Variants in ATP1A3 observed in about 807,000 individuals in gnomAD.
The protein encoded by ATP1A3 is ATPase Na+/K+ transporting subunit alpha 3.
A neutral mutation model predicts 108.8 loss-of-function variants in ATP1A3; 12 were observed. The observed-to-expected ratio is 0.11, with a 90% CI of 0.07 to 0.18. The LOEUF (loss-of-function observed/expected upper bound fraction) is 0.18. Among genes scored for constraint, ATP1A3 ranks in the 10% least tolerant of loss-of-function variants. The pLI is 1.00. For missense variants in ATP1A3, 498 were observed against 1,387.7 expected, an observed-to-expected ratio of 0.36 and a Z score of 10.19; for synonymous variants, 539 against 564.5, an observed-to-expected ratio of 0.95 and a Z score of 0.64.
chr19:41,986,050 C>T (rs781870299), intron 5 of ATP1A3, 52 bp from the exon 6 acceptor site: 2 of 1,614,144 alleles, frequency 1.2e-6, no homozygotes, highest in South Asian at 1.1e-5. Flanking sequence ...GCCTGGGGGT[C>T]ACTGGGCCCG....
intron 1 of ATP1A3, among the ~76,000 whole-genome samples, chr19:41,989,556 T>G (rs1317516035): frequency 2.0e-5 from 3 of 151,476 alleles, no homozygotes; most frequent in African/African-American, 7.3e-5. Context: ...CCTGACCTCG[T>G]GATCCGCCCG....
chr19:41,990,723 C>G (rs1434245324), intron 1 of ATP1A3, among the ~76,000 whole-genome samples: 1 of 151,514 alleles, frequency 6.6e-6, no homozygotes, highest in Non-Finnish European at 1.5e-5. Context: ...ATCTTCCTCT[C>G]TCTTTCGCTG....
intron 15 of ATP1A3, 114 bp from the exon 16 acceptor site, chr19:41,975,911 G>T: frequency 7.1e-7 from 1 of 1,408,894 alleles, no homozygotes; most frequent in Non-Finnish European, 1.0e-6. Flanking sequence ...AGAAGTTCAG[G>T]TCCCCAACCT....
At position 41,985,780 on chromosome 19, in the gene ATP1A3, C is replaced by T; in HGVS notation, c.606+84G>A. 2 of 1,584,914 alleles carry T rather than the reference C, an allele frequency of 1.3e-6. No homozygotes were observed. Among genetic ancestry groups the T allele is most frequent in the Non-Finnish European group, 1.7e-6 (2 of 1,166,906 alleles). On this transcript the variant is annotated intron_variant, in intron 6 of 22. Coordinates refer to ENST00000648268, the MANE Select transcript of ATP1A3 (RefSeq NM_152296.5). This position sits in a 1 kb window ranked among gnomAD's most constrained non-coding sequence, Gnocchi z 8.2. ...GGGAGGAGGGGTTGGGACCTGGACTCCTGAGTGTGAGGGAGGAGGGGCTGG... is the reference window on the plus strand; with the variant it reads ...GGGAGGAGGGGTTGGGACCTGGACTTCTGAGTGTGAGGGAGGAGGGGCTGG...
intron 1 of ATP1A3, 154 bp downstream of exon 1, chr19:41,993,917 A>T: frequency 7.1e-7 from 1 of 1,415,310 alleles, no homozygotes; most frequent in Non-Finnish European, 9.6e-7. Context: ...CGGCCCCACG[A>T]CCACATGGAT....
chr19:41,978,601 C>A lies in ATP1A3; in HGVS notation c.1630+5G>T. On this transcript the variant is annotated splice_donor_5th_base_variant and intron_variant, in intron 12 of 22. Coordinates refer to ENST00000648268, the MANE Select transcript of ATP1A3 (RefSeq NM_152296.5). The surrounding 1 kb of genome is among the most constrained non-coding windows in gnomAD (Gnocchi z 8.3). ...GACCCCAGAGCCCGCCCGGCAGCCT[C>A]GCACCAAGCACGCGCTCGCCCAGGC... 6.2e-7 allele frequency: 1 copy of A among 1,613,024 alleles called. No homozygotes were observed. Among genetic ancestry groups the A allele is most frequent in the Non-Finnish European group, 8.5e-7 (1 of 1,179,962 alleles).
chr19:41,979,615 C>G (rs2075209168), intron 11 of ATP1A3, among the ~76,000 whole-genome samples: 1 of 152,170 alleles, frequency 6.6e-6, no homozygotes, highest in Non-Finnish European at 1.5e-5. Flanking sequence ...CTGTATGCTT[C>G]CATTTTTATG....
intron 1 of ATP1A3, among the ~76,000 whole-genome samples, chr19:41,991,232 C>T (rs897578981): frequency 2.0e-5 from 3 of 152,196 alleles, no homozygotes; most frequent in Non-Finnish European, 4.4e-5. Flanking sequence ...CTAATCTCCT[C>T]GTGACCTTGT....
chr19:41,985,479 A>AT lies in ATP1A3; in HGVS notation c.607-57dup. On this transcript the variant is annotated intron_variant, in intron 6 of 22. Transcript: ENST00000648268. This position sits in a 1 kb window ranked among gnomAD's most constrained non-coding sequence, Gnocchi z 8.2. ...AGTCCAGGGCCTGGGACAGGAGGGT[A>AT]TTTGTGTACAGGGCTTGGGGCTGAA... The AT allele has an allele frequency of 6.6e-7, 1 of 1,509,872 alleles. No individual in the cohort carries two copies. Among genetic ancestry groups the AT allele is most frequent in the Non-Finnish European group, 9.2e-7 (1 of 1,085,724 alleles). 93.5% of individuals were successfully genotyped at this position (1,509,872 alleles called of 1,614,324 possible).
Position 41,981,818 on chromosome 19 carries a change from G to A in ATP1A3, c.1206C>T (p.Asp402=), listed in dbSNP as rs572012327. The A allele has an allele frequency of 5.0e-6, 8 of 1,614,240 alleles. No individual in the cohort carries two copies. Among genetic ancestry groups the A allele is most frequent in the East Asian group, 2.2e-5 (1 of 44,882 alleles). The change falls in exon 10 of 23, where the codon GAC becomes GAT. Residue 402 remains aspartate, a synonymous_variant. Coordinates refer to ENST00000648268, the MANE Select transcript of ATP1A3 (RefSeq NM_152296.5). The surrounding 1 kb of genome is among the most constrained non-coding windows in gnomAD (Gnocchi z 5.0). ...TTEDQSGTSF[D]KSSHTWVALS... ...GGGCCACCCAGGTGTGCGAACTCTT[G>A]TCAAATGAGGTCCCTGGGGGAGGCA...
intron 8 of ATP1A3, 147 bp downstream of exon 8, chr19:41,984,771 G>C (rs2075270218): frequency 9.8e-6 from 9 of 920,528 alleles, no homozygotes; most frequent in East Asian, 5.6e-5. Flanking sequence ...CCAGATCCCA[G>C]CCCCTCCTCC....
chr19:41,973,786 T>C (rs1244474878), intron 16 of ATP1A3, among the ~76,000 whole-genome samples: 2 of 152,230 alleles, frequency 1.3e-5, no homozygotes, highest in Admixed American at 1.3e-4. Flanking sequence ...TCCAGCATGA[T>C]GCACAAGATT....
At chr19:41,970,781 G>A (rs1469770523) in intron 16 of ATP1A3, among the ~76,000 whole-genome samples, 10 of 151,502 alleles carry the variant, frequency 6.6e-5, no homozygotes, top group African/African-American at 4.9e-5. Flanking sequence ...ACAGGCACCT[G>A]CCACCACGCC....
intron 1 of ATP1A3, 138 bp downstream of exon 1, chr19:41,993,933 G>A: frequency 3.4e-6 from 5 of 1,490,272 alleles, no homozygotes; most frequent in Non-Finnish European, 3.6e-6. Context: ...TGGATTGGCT[G>A]GGTCAGCCGG....
At chr19:41,971,215 C>T (rs782130744) in intron 16 of ATP1A3, among the ~76,000 whole-genome samples, 2 of 151,626 alleles carry the variant, frequency 1.3e-5, no homozygotes, top group East Asian at 1.9e-4. Context: ...CTCAGCCTCC[C>T]GAAGTGCTGG....
Position 41,970,424 on chromosome 19 carries a change from G to A in ATP1A3, c.2382C>T (p.Thr794=), listed in dbSNP as rs2075090985. 4 of 1,614,022 alleles carry A rather than the reference G, an allele frequency of 2.5e-6. No individual in the cohort carries two copies. The highest frequency in any genetic ancestry group is 3.3e-5 in the Admixed American group (2 of 59,988). The part of the protein sequence containing the change: ...IMANIPLPLG[T]ITILCIDLGT... Reference sequence around the variant, plus strand: ...CCAGATCGATGCAGAGGATGGTGATGGTGCCCAGGGGCAGCGGGATGTTGG... The same window carrying A: ...CCAGATCGATGCAGAGGATGGTGATAGTGCCCAGGGGCAGCGGGATGTTGG... The change falls in exon 17 of 23, where the codon ACC becomes ACT. Residue 794 remains threonine (T), a synonymous_variant. Coordinates refer to ENST00000648268, the MANE Select transcript of ATP1A3 (RefSeq NM_152296.5).
Position 41,978,523 on chromosome 19 carries a change from C to G in ATP1A3, c.1630+83G>C. Reference sequence around the variant, plus strand: ...TTCATTTACAGTATATTCTGGGAGGCCCTGGGCTGAGACAGGCTTTGGGCA... The same window carrying G: ...TTCATTTACAGTATATTCTGGGAGGGCCTGGGCTGAGACAGGCTTTGGGCA... On this transcript the variant is annotated intron_variant, in intron 12 of 22. Transcript: ENST00000648268. The surrounding 1 kb of genome is among the most constrained non-coding windows in gnomAD (Gnocchi z 8.3). 1 of 1,576,308 alleles carries G rather than the reference C, an allele frequency of 6.3e-7. No homozygotes were observed. The highest frequency in any genetic ancestry group is 8.7e-7 in the Non-Finnish European group (1 of 1,155,966).
chr19:41,974,800 C>T (rs2075148365), intron 16 of ATP1A3, among the ~76,000 whole-genome samples: 1 of 152,258 alleles, frequency 6.6e-6, no homozygotes, highest in Admixed American at 6.5e-5. Flanking sequence ...GTGGCCTTGT[C>T]TGGGCCTGTC....
chr19:41,986,062 C>A, intron 5 of ATP1A3, 54 bp downstream of exon 5: 1 of 1,614,044 alleles, frequency 6.2e-7, no homozygotes, highest in Non-Finnish European at 8.5e-7. Flanking sequence ...CTGGGCCCGG[C>A]CCCCAGCCCA....
Sources: gnomAD v4.1 joint callset for allele counts (sites outside exome capture counted in the v4.1 genomes callset) on GRCh38, gnomAD v4.1.1 for gene constraint, Gnocchi (gnomAD v3.1) non-coding constraint, MANE v1.5 for transcripts, NCBI Gene and HGNC (gene_info 2026-07-23, HGNC 2026-07-21) for gene names.